Variants in LHFPL3 observed in about 807,000 individuals in gnomAD.
LHFPL3 encodes the protein LHFPL tetraspan subfamily member 3.
Under a neutral mutation model 19.3 loss-of-function variants are expected in LHFPL3, and 5 were observed. The observed-to-expected ratio is 0.26, with a 90% CI of 0.14 to 0.54. LHFPL3 has a LOEUF of 0.54. Among genes scored for constraint, LHFPL3 ranks in the 20% least tolerant of loss-of-function variants. The probability of loss-of-function intolerance (pLI) is 0.94; values close to 1 mark genes in which losing one functional copy is unlikely to be tolerated. For synonymous variants in LHFPL3, 133 were observed against 126.2 expected, an observed-to-expected ratio of 1.05 and a Z score of -0.36; for missense variants, 249 against 307.4, an observed-to-expected ratio of 0.81 and a Z score of 1.42.
chr7:104,430,434 A>G (rs1483797484), intron 1 of LHFPL3, among the ~76,000 whole-genome samples: 60 of 14,234 alleles, frequency 4.2e-3, no homozygotes, highest in East Asian at 0.017. Flanking sequence ...ATATATATAT[A>G]TATATATATA....
At chr7:104,429,268 G>T (rs1410385281) in intron 1 of LHFPL3, among the ~76,000 whole-genome samples, 1 of 149,414 alleles carries the variant, frequency 6.7e-6, no homozygotes, top group Admixed American at 6.7e-5. Flanking sequence ...AAAGATCCAA[G>T]GATGCATATT....
chr7:104,867,293 G>C (rs1791744792), intron 2 of LHFPL3, among the ~76,000 whole-genome samples: 1 of 152,062 alleles, frequency 6.6e-6, no homozygotes. Flanking sequence ...CCAGGAGCTG[G>C]TTTTTTGAAA....
chr7:104,710,079 G>A (rs541193580), intron 1 of LHFPL3, among the ~76,000 whole-genome samples: 26 of 152,326 alleles, frequency 1.7e-4, no homozygotes, highest in Middle Eastern at 3.4e-3. Context: ...CCGGCACCTC[G>A]GGAGGCCGAG....
At chr7:104,864,738 A>G (rs1411899025) in intron 2 of LHFPL3, among the ~76,000 whole-genome samples, 1 of 152,206 alleles carries the variant, frequency 6.6e-6, no homozygotes, top group Non-Finnish European at 1.5e-5. Context: ...AGCTTTGAAG[A>G]GAGTAGTGGT....
At chr7:104,680,288 C>T (rs1178102988) in intron 1 of LHFPL3, among the ~76,000 whole-genome samples, 5 of 152,194 alleles carry the variant, frequency 3.3e-5, no homozygotes, top group Admixed American at 1.3e-4. Flanking sequence ...TTGTATCCCA[C>T]TCCTTTGGCA....
chr7:104,453,445 A>T (rs565379429), intron 1 of LHFPL3, among the ~76,000 whole-genome samples: 52 of 152,240 alleles, frequency 3.4e-4, no homozygotes, highest in African/African-American at 1.2e-3. Flanking sequence ...TATCTTTCTT[A>T]ATTACATTTC....
chr7:104,822,662 A>C (rs1312229377), intron 2 of LHFPL3, among the ~76,000 whole-genome samples: 1 of 152,164 alleles, frequency 6.6e-6, no homozygotes, highest in Non-Finnish European at 1.5e-5. Context: ...ATTCACACAA[A>C]GGCACCCTGT....
chr7:104,332,532 A>G (rs1431532620), intron 1 of LHFPL3, among the ~76,000 whole-genome samples: 1 of 152,174 alleles, frequency 6.6e-6, no homozygotes, highest in Non-Finnish European at 1.5e-5. Flanking sequence ...CACCCAGCCA[A>G]AATCCTATTT....
intron 1 of LHFPL3, among the ~76,000 whole-genome samples, chr7:104,585,480 A>AGCACACAC (rs1790551501): frequency 1.6e-5 from 2 of 123,362 alleles, no homozygotes; most frequent in African/African-American, 3.0e-5. Flanking sequence ...AACACACACA[A>AGCACACAC]ACACACACAC....
intron 1 of LHFPL3, among the ~76,000 whole-genome samples, chr7:104,672,994 A>G (rs967943009): frequency 6.6e-6 from 1 of 152,100 alleles, no homozygotes. Context: ...GAATGAAATA[A>G]TGCCCCCCCT....
intron 2 of LHFPL3, among the ~76,000 whole-genome samples, chr7:104,882,880 A>T (rs1262257446): frequency 6.6e-6 from 1 of 152,162 alleles, no homozygotes; most frequent in East Asian, 1.9e-4. Flanking sequence ...GAAGGGTATG[A>T]TTTATATTGT....
At chr7:104,874,931 A>G (rs75475405) in intron 2 of LHFPL3, among the ~76,000 whole-genome samples, 3,488 of 79,258 alleles carry the variant, frequency 0.044, 137 homozygotes, top group African/African-American at 0.14. Context: ...ATTGCCCCCT[A>G]AATCTCCCAG....
intron 2 of LHFPL3, among the ~76,000 whole-genome samples, chr7:104,893,283 G>C (rs1353845432): frequency 1.3e-5 from 2 of 151,948 alleles, no homozygotes; most frequent in Non-Finnish European, 1.5e-5. Flanking sequence ...GGAGGCAGAC[G>C]TGAGCTGATC....
chr7:104,355,727 C>G (rs550163488), intron 1 of LHFPL3, among the ~76,000 whole-genome samples: 1 of 152,188 alleles, frequency 6.6e-6, no homozygotes, highest in Non-Finnish European at 1.5e-5. Context: ...TCCACAGACT[C>G]ATTCTCAAAA....
At chr7:104,850,025 G>T (rs10226802) in intron 2 of LHFPL3, among the ~76,000 whole-genome samples, 1 of 152,112 alleles carries the variant, frequency 6.6e-6, no homozygotes, top group African/African-American at 2.4e-5. Flanking sequence ...TTTTTAGGCC[G>T]GGCGCGGTGG....
chr7:104,765,595 A>G lies in LHFPL3; in HGVS notation c.682+28684A>G, dbSNP rs143722187. 3.8e-3 allele frequency among the ~76,000 whole-genome samples: 574 copies of G among 152,300 alleles called. 2 individuals are homozygous for G. Among genetic ancestry groups the G allele is most frequent in the African/African-American group, 0.013 (524 of 41,564 alleles). ...ATTTCCCAAGAGAAATTACAAAGGC[A>G]TTTTCTGCACCATCTTTAACTAATA... On this transcript the variant is annotated intron_variant, in intron 2 of 2. Transcript: ENST00000424859.
intron 1 of LHFPL3, among the ~76,000 whole-genome samples, chr7:104,547,752 G>T (rs1794599806): frequency 1.3e-5 from 2 of 152,228 alleles, no homozygotes; most frequent in Admixed American, 6.5e-5. Context: ...AAAAATAGGA[G>T]AATGAAATAG....
rs74818233 is a variant in LHFPL3, at chr7:104,369,954, C to G, written c.445+40730C>G. Among the ~76,000 whole-genome samples, 1,020 of 152,226 alleles carry G rather than the reference C, an allele frequency of 6.7e-3. 69 individuals are homozygous for G. In the East Asian group the frequency reaches 0.16, roughly 24 times the overall value. ...GCAAATGTTTTCTCCCAAGTTATAG[C>G]TGGTCTTTTCACACATCAATTAATT... is the stretch of plus-strand genomic sequence containing the variant. On this transcript the variant is annotated intron_variant, in intron 1 of 2. Transcript: ENST00000424859.
chr7:104,579,359 A>C (rs1790410901), intron 1 of LHFPL3, among the ~76,000 whole-genome samples: 1 of 152,024 alleles, frequency 6.6e-6, no homozygotes, highest in Non-Finnish European at 1.5e-5. Context: ...TTCAATCTTT[A>C]TGTCCAGGGG....
Sources: gnomAD v4.1 joint callset for allele counts (sites outside exome capture counted in the v4.1 genomes callset) on GRCh38, gnomAD v4.1.1 for gene constraint, MANE v1.5 for transcripts, NCBI Gene and HGNC (gene_info 2026-07-23, HGNC 2026-07-21) for gene names.